The following LHFPL4 variants were observed in gnomAD, a reference collection of about 807,000 sequenced individuals.
The protein encoded by LHFPL4 is LHFPL tetraspan subfamily member 4, also known as LHFPL tetraspan subfamily member 4 protein.
A neutral mutation model predicts 20.0 loss-of-function variants in LHFPL4; 6 were observed. The observed-to-expected ratio is 0.30, with a 90% CI of 0.16 to 0.59. LHFPL4 has a LOEUF of 0.59. LHFPL4 is among the 20% of genes least tolerant of loss of function. The pLI, the probability that LHFPL4 is intolerant of heterozygous loss-of-function variation, is 0.88. For missense variants in LHFPL4, 215 were observed against 331.2 expected (o/e 0.65, Z 2.72); for synonymous variants, 129 against 143.8 (o/e 0.90, Z 0.74).
intron 2 of LHFPL4, among the ~76,000 whole-genome samples, chr3:9,522,895 G>C (rs1336732997): frequency 2.0e-5 from 3 of 151,636 alleles, no homozygotes; most frequent in Non-Finnish European, 4.4e-5. Context: ...CAAAAAATTA[G>C]CCTGGCGTGG....
intron 2 of LHFPL4, among the ~76,000 whole-genome samples, chr3:9,533,270 G>A (rs765997857): frequency 6.6e-6 from 1 of 152,164 alleles, no homozygotes; most frequent in Non-Finnish European, 1.5e-5. Context: ...TAGAAGGTTC[G>A]TAGGAGCTTT....
intron 2 of LHFPL4, among the ~76,000 whole-genome samples, chr3:9,520,730 G>T (rs3102224): frequency 0.041 from 6,269 of 152,132 alleles, 186 homozygotes; most frequent in Non-Finnish European, 0.062. Context: ...TCCAGCTATC[G>T]TTCTGTTATT....
intron 2 of LHFPL4, among the ~76,000 whole-genome samples, chr3:9,513,852 A>C (rs911504183): frequency 6.6e-5 from 10 of 152,138 alleles, no homozygotes; most frequent in African/African-American, 2.4e-4. Context: ...CATCGACTGT[A>C]ATGGTAGGAC....
chr3:9,505,628 G>A (rs1201777161), intron 3 of LHFPL4, among the ~76,000 whole-genome samples: 2 of 152,074 alleles, frequency 1.3e-5, no homozygotes, highest in Non-Finnish European at 2.9e-5. Flanking sequence ...GTTTCACCGT[G>A]TTAGCCAGGA....
intron 2 of LHFPL4, among the ~76,000 whole-genome samples, chr3:9,526,514 T>C (rs2046376733): frequency 6.6e-6 from 1 of 152,202 alleles, no homozygotes; most frequent in Non-Finnish European, 1.5e-5. Context: ...CTAACATCCC[T>C]CATATCATCT....
intron 2 of LHFPL4, among the ~76,000 whole-genome samples, chr3:9,549,431 C>T (rs2046538237): frequency 6.6e-6 from 1 of 152,242 alleles, no homozygotes; most frequent in Admixed American, 6.5e-5. Flanking sequence ...CATGGTGGCT[C>T]ATGCCTGTAA....
At chr3:9,540,974 C>T (rs1488850287) in intron 2 of LHFPL4, among the ~76,000 whole-genome samples, 1 of 151,714 alleles carries the variant, frequency 6.6e-6, no homozygotes, top group Non-Finnish European at 1.5e-5. Context: ...GAGTCTCACT[C>T]TGTCACCCAG....
intron 2 of LHFPL4, among the ~76,000 whole-genome samples, chr3:9,511,528 A>T (rs116045081): frequency 0.041 from 6,257 of 152,280 alleles, 177 homozygotes; most frequent in Non-Finnish European, 0.063. Context: ...ATAAACTCAC[A>T]TTTTAACTTC....
At chr3:9,545,239 G>A (rs1353771304) in intron 2 of LHFPL4, among the ~76,000 whole-genome samples, 1 of 151,746 alleles carries the variant, frequency 6.6e-6, no homozygotes, top group Non-Finnish European at 1.5e-5. Flanking sequence ...AATTGGGGGA[G>A]GAAGAAAGAA....
intron 2 of LHFPL4, among the ~76,000 whole-genome samples, chr3:9,548,912 G>T (rs2046534937): frequency 6.6e-6 from 1 of 152,182 alleles, no homozygotes; most frequent in South Asian, 2.1e-4. Context: ...ATGTAAATTA[G>T]ATCTACTAGT....
In LHFPL4 at chr3:9,506,642, G is replaced by A. The variant is rs1052455658; in HGVS notation, c.407-439C>T. 6.2e-5 allele frequency among the ~76,000 whole-genome samples: 9 copies of A among 145,250 alleles called. No homozygotes were observed. Among genetic ancestry groups the A allele is most frequent in the Middle Eastern group, 3.2e-3 (1 of 310 alleles). On this transcript the variant is annotated intron_variant, in intron 2 of 3. Transcript: ENST00000287585. The surrounding 1 kb of genome is among the most constrained non-coding windows in gnomAD (Gnocchi z 4.5). ...GTTGCCCAGGGTGGAGTGCAATGGC[G>A]TGATCTCGGCTCACTGTAACCTCCA...
Position 9,507,176 on chromosome 3 carries a change from C to T in LHFPL4, c.407-973G>A, listed in dbSNP as rs980808326. Among the ~76,000 whole-genome samples, 11 of 152,296 alleles carry T rather than the reference C, an allele frequency of 7.2e-5. 1 individual carries two copies. The South Asian group carries it at 8.3e-4, about 11-fold the overall frequency. On this transcript the variant is annotated intron_variant, in intron 2 of 3. Coordinates refer to ENST00000287585, the MANE Select transcript of LHFPL4 (RefSeq NM_198560.3). ...AGTAATGCGTGCAAAACACTTAGCACGGTGCCAGGCACTCAGGTAGCATTT... is the reference window on the plus strand; with the variant it reads ...AGTAATGCGTGCAAAACACTTAGCATGGTGCCAGGCACTCAGGTAGCATTT...
In LHFPL4 at chr3:9,552,739, G is replaced by A. The variant is rs1434948188; in HGVS notation, c.-60C>T. ...TGGCGGGGGCCGCCGGCCCGGGACG[G>A]AGCGCCGGGCTGCCGGGCGGGAGCT... On this transcript the variant is annotated 5_prime_UTR_variant, in exon 2 of 4. Transcript: ENST00000287585. 4 of 1,059,300 alleles carry A rather than the reference G, an allele frequency of 3.8e-6. No homozygotes were observed. The African/African-American group carries it at 6.8e-5, about 18-fold the overall frequency. 65.6% of individuals were successfully genotyped at this position (1,059,300 alleles called of 1,614,324 possible).
chr3:9,499,522 G>C lies in LHFPL4; in HGVS notation c.*2689C>G, dbSNP rs2046155721. 6.6e-6 allele frequency: 1 copy of C among 152,388 alleles called. No individual in the cohort carries two copies. The highest frequency in any genetic ancestry group is 1.5e-5 in the Non-Finnish European group (1 of 68,180). 9.4% of individuals were successfully genotyped at this position (152,388 alleles called of 1,614,324 possible). A position where few individuals can be genotyped will look rare whatever the true frequency, so the allele number is the denominator to read the frequency against. On this transcript the variant is annotated 3_prime_UTR_variant, in exon 4 of 4. Transcript: ENST00000287585. ...GCAGCTGGCCAGGTGCGGTGGAATGGGAATGTTGCCAGGCTACCCCACCAG... is the reference window on the plus strand; with the variant it reads ...GCAGCTGGCCAGGTGCGGTGGAATGCGAATGTTGCCAGGCTACCCCACCAG...
intron 3 of LHFPL4, among the ~76,000 whole-genome samples, chr3:9,505,088 G>C (rs532891213): frequency 6.6e-6 from 1 of 152,126 alleles, no homozygotes. Flanking sequence ...TGGCCATTGG[G>C]CTGTTTATAG....
intron 1 of LHFPL4, among the ~76,000 whole-genome samples, chr3:9,553,218 G>A (rs1461250873): frequency 2.6e-5 from 4 of 151,690 alleles, no homozygotes; most frequent in Non-Finnish European, 4.4e-5. Flanking sequence ...TGAGGCGGTG[G>A]TGGGCGCTTC....
At chr3:9,505,444 TTTTTTTTG>T (rs1024415452) in intron 3 of LHFPL4, among the ~76,000 whole-genome samples, 11 of 151,600 alleles carry the variant, frequency 7.3e-5, no homozygotes, top group East Asian at 1.9e-4. Flanking sequence ...TAGTTTTTGT[TTTTTTTTG>T]TTTTTTTGTT....
chr3:9,514,380 A>G (rs2046284013), intron 2 of LHFPL4, among the ~76,000 whole-genome samples: 1 of 152,168 alleles, frequency 6.6e-6, no homozygotes, highest in Non-Finnish European at 1.5e-5. Context: ...TCACAGCAAA[A>G]TTGAGTAAAA....
chr3:9,516,113 G>C (rs2046299400), intron 2 of LHFPL4, among the ~76,000 whole-genome samples: 1 of 152,122 alleles, frequency 6.6e-6, no homozygotes, highest in Non-Finnish European at 1.5e-5. Context: ...CTTTAATGAA[G>C]TCCAGCTTAC....
Sources: gnomAD v4.1 joint callset for allele counts (sites outside exome capture counted in the v4.1 genomes callset) on GRCh38, gnomAD v4.1.1 for gene constraint, Gnocchi (gnomAD v3.1) non-coding constraint, MANE v1.5 for transcripts, NCBI Gene and HGNC (gene_info 2026-07-23, HGNC 2026-07-21) for gene names.